Variants in ZFP14 observed in about 807,000 individuals in gnomAD.
ZFP14 encodes ZFP14 zinc finger protein, also known as zinc finger protein 14 homolog.
Under a neutral mutation model 54.5 loss-of-function variants are expected in ZFP14, and 22 were observed. That is an observed-to-expected ratio of 0.40 (90% CI 0.29 to 0.58). The LOEUF (loss-of-function observed/expected upper bound fraction) is 0.58. Ranked by LOEUF, ZFP14 falls within the 20% of genes least tolerant of loss-of-function variation. The pLI, the probability that ZFP14 is intolerant of heterozygous loss-of-function variation, is 0.39. For synonymous variants in ZFP14, 159 were observed against 204.0 expected, an observed-to-expected ratio of 0.78 and a Z score of 1.88; for missense variants, 470 against 637.8, an observed-to-expected ratio of 0.74 and a Z score of 2.83.
chr19:36,358,085 T>TATC (rs2031649478), intron 4 of ZFP14, among the ~76,000 whole-genome samples: 1 of 143,554 alleles, frequency 7.0e-6, no homozygotes, highest in South Asian at 2.1e-4. Flanking sequence ...TCTATCTATC[T>TATC]ATCTATCATC....
chr19:36,343,314 A>G (rs2031356017), intron 4 of ZFP14, among the ~76,000 whole-genome samples: 2 of 152,076 alleles, frequency 1.3e-5, no homozygotes, highest in Admixed American at 1.3e-4. Context: ...CATAAATAAT[A>G]AAGCTGCTGC....
chr19:36,367,205 T>C (rs1337192533), intron 2 of ZFP14, among the ~76,000 whole-genome samples: 1 of 152,104 alleles, frequency 6.6e-6, no homozygotes, highest in Non-Finnish European at 1.5e-5. Flanking sequence ...ATTTTTTCTA[T>C]GTAAAACTAA....
Position 36,366,028 on chromosome 19 carries a change from G to C in ZFP14, c.9+1856C>G, listed in dbSNP as rs143955179. 1.0e-3 allele frequency among the ~76,000 whole-genome samples: 156 copies of C among 151,828 alleles called. 1 individual carries two copies. In the East Asian group the frequency reaches 0.021, roughly 20 times the overall value. ...GCCTGTAATCTCAGCACTTTGGGAG[G>C]TCGAGGCAGGTGGATCACTTGAGGT... On this transcript the variant is annotated intron_variant, in intron 2 of 4. Coordinates refer to ENST00000270001, the MANE Select transcript of ZFP14 (RefSeq NM_020917.3).
chr19:36,357,520 AG>A (rs1359203420), intron 4 of ZFP14, among the ~76,000 whole-genome samples: 2 of 152,156 alleles, frequency 1.3e-5, no homozygotes, highest in African/African-American at 4.8e-5. Flanking sequence ...AAAAGCTGAG[AG>A]GTTTGTTTAT....
intron 4 of ZFP14, among the ~76,000 whole-genome samples, chr19:36,357,735 GTTTTTGT>G (rs1337643074): frequency 1.3e-5 from 2 of 150,040 alleles, no homozygotes; most frequent in African/African-American, 2.5e-5. Context: ...AAATCCTGAA[GTTTTTGT>G]TTTTTGTTTT....
At chr19:36,372,282 A>C (rs2031891755) in intron 1 of ZFP14, among the ~76,000 whole-genome samples, 1 of 152,098 alleles carries the variant, frequency 6.6e-6, no homozygotes, top group African/African-American at 2.4e-5. Context: ...CAGAAAGCCA[A>C]TAGAAAGAAT....
rs897303120 is a variant in ZFP14, at chr19:36,350,239, A to G, written c.236-8649T>C. Reference sequence around the variant, plus strand: ...AGAGAAAAGAACAAAAATGAGAAACAAACACTATCTGAAGATATAGTAACC... The same window carrying G: ...AGAGAAAAGAACAAAAATGAGAAACGAACACTATCTGAAGATATAGTAACC... On this transcript the variant is annotated intron_variant, in intron 4 of 4. Transcript: ENST00000270001. 2.1e-5 allele frequency among the ~76,000 whole-genome samples: 3 copies of G among 143,350 alleles called. 1 individual carries two copies. Among genetic ancestry groups the G allele is most frequent in the African/African-American group, 7.7e-5 (3 of 39,134 alleles). The allele number at this position is 143,350 out of a possible 152,430, so 94.0% of individuals were successfully genotyped here. A position where few individuals can be genotyped will look rare whatever the true frequency, so the allele number is the denominator to read the frequency against.
At chr19:36,367,168 A>T (rs1288278543) in intron 2 of ZFP14, among the ~76,000 whole-genome samples, 1 of 150,706 alleles carries the variant, frequency 6.6e-6, no homozygotes, top group Non-Finnish European at 1.5e-5. Flanking sequence ...AAAAAAAAAA[A>T]TGTCATATTA....
rs1255640585 is a variant in ZFP14, at chr19:36,354,498, CT to C, written c.235+5936del. 1.2e-4 allele frequency among the ~76,000 whole-genome samples: 17 copies of C among 141,964 alleles called. 1 individual carries two copies. Among genetic ancestry groups the C allele is most frequent in the Middle Eastern group, 3.4e-3 (1 of 298 alleles). The allele number at this position is 141,964 out of a possible 152,430, so 93.1% of individuals were successfully genotyped here. ...CCTTTTGAATAAGCATCTTAATCATCTTGGGCTTCTTGCAGTTCCTCAAAAA... is the reference window on the plus strand; with the variant it reads ...CCTTTTGAATAAGCATCTTAATCATCTGGGCTTCTTGCAGTTCCTCAAAAA... On this transcript the variant is annotated intron_variant, in intron 4 of 4. Transcript: ENST00000270001.
intron 1 of ZFP14, among the ~76,000 whole-genome samples, chr19:36,369,161 C>T (rs1441498234): frequency 2.0e-5 from 3 of 151,970 alleles, no homozygotes; most frequent in African/African-American, 7.2e-5. Context: ...TTTTAGTATC[C>T]AAGCTGGGGA....
chr19:36,356,502 C>A (rs2031616473), intron 4 of ZFP14, among the ~76,000 whole-genome samples: 1 of 151,888 alleles, frequency 6.6e-6, no homozygotes, highest in South Asian at 2.1e-4. Flanking sequence ...TCTATGTGCA[C>A]TCATGTGTGT....
intron 2 of ZFP14, among the ~76,000 whole-genome samples, chr19:36,365,038 C>A (rs550702533): frequency 1.2e-4 from 11 of 89,026 alleles, no homozygotes; most frequent in African/African-American, 4.3e-4. Flanking sequence ...GGGTCTCACT[C>A]TGTTGCCCAG....
At chr19:36,368,748 G>C (rs2031834377) in intron 1 of ZFP14, among the ~76,000 whole-genome samples, 2 of 152,140 alleles carry the variant, frequency 1.3e-5, no homozygotes, top group African/African-American at 2.4e-5. Context: ...GCCAATGTGA[G>C]GCTACCCTTG....
At chr19:36,362,328 AG>A in intron 2 of ZFP14, 90 bp from the exon 3 acceptor site, 1 of 1,407,216 alleles carries the variant, frequency 7.1e-7, no homozygotes. Context: ...CATTGCAGAG[AG>A]GGGTCAGATA....
At chr19:36,368,705 A>G (rs1308845810) in intron 1 of ZFP14, among the ~76,000 whole-genome samples, 2 of 152,158 alleles carry the variant, frequency 1.3e-5, no homozygotes, top group Non-Finnish European at 2.9e-5. Context: ...CACAGCAACT[A>G]AAAGACCACA....
In ZFP14 at chr19:36,335,077, T is replaced by G. The variant is rs774164524; in HGVS notation, c.*5147A>C. 1 of 152,214 alleles carries G rather than the reference T, an allele frequency of 6.6e-6. No homozygotes were observed. Among genetic ancestry groups the G allele is most frequent in the Non-Finnish European group, 1.5e-5 (1 of 68,036 alleles). The allele number at this position is 152,214 out of a possible 1,614,324, so 9.4% of individuals were successfully genotyped here. ...TTAGTAGAGACAGGGTTTCACCATG[T>G]TGGCCAGGCTGGTCTCAAACTCCTG... On this transcript the variant is annotated 3_prime_UTR_variant, in exon 5 of 5. Transcript: ENST00000270001.
Position 36,362,212 on chromosome 19 carries a change from G to A in ZFP14, c.36C>T (p.Ala12=), listed in dbSNP as rs748983303. 4 of 1,610,748 alleles carry A rather than the reference G, an allele frequency of 2.5e-6. No homozygotes were observed. In the South Asian group the frequency reaches 3.3e-5, roughly 13 times the overall value. Residue 12 remains alanine, a synonymous_variant, in exon 3 of 5, where the codon GCC becomes GCT. Transcript: ENST00000270001. The part of the protein sequence containing the change: ...AHGSVTFRDV[A]IDFSQEEWEF... ...CCCATTCTTCCTGTGAGAAGTCTAT[G>A]GCCACATCCCTGAATGTCACTGAAC...
At chr19:36,345,836 AT>A (rs1341282251) in intron 4 of ZFP14, among the ~76,000 whole-genome samples, 1 of 152,232 alleles carries the variant, frequency 6.6e-6, no homozygotes, top group Non-Finnish European at 1.5e-5. Context: ...TTATAGATAC[AT>A]TTAAATTCTT....
At chr19:36,359,338 C>A (rs1414956242) in intron 4 of ZFP14, among the ~76,000 whole-genome samples, 1 of 151,630 alleles carries the variant, frequency 6.6e-6, no homozygotes, top group African/African-American at 2.4e-5. Context: ...TAATGTCTTT[C>A]TTGGGTTATG....
Sources: gnomAD v4.1 joint callset for allele counts (sites outside exome capture counted in the v4.1 genomes callset) on GRCh38, gnomAD v4.1.1 for gene constraint, MANE v1.5 for transcripts, NCBI Gene and HGNC (gene_info 2026-07-23, HGNC 2026-07-21) for gene names.